TACC2: variants seen among roughly 807,000 people sequenced by gnomAD.
TACC2 encodes the protein transforming acidic coiled-coil containing protein 2, also known as transforming acidic coiled-coil-containing protein 2.
Under a neutral mutation model 227.3 loss-of-function variants are expected in TACC2, and 137 were observed. The observed-to-expected ratio is 0.60, with a 90% confidence interval of 0.52 to 0.69. TACC2 has a LOEUF of 0.69. TACC2 is among the 30% of genes least tolerant of loss of function. The pLI, the probability that TACC2 is intolerant of heterozygous loss-of-function variation, is 0.00. For synonymous variants in TACC2, 1,523 were observed against 1,487.5 expected, an observed-to-expected ratio of 1.02 and a Z score of -0.55; for missense variants, 3,470 against 3,694.4, an observed-to-expected ratio of 0.94 and a Z score of 1.57.
rs578136211 is a variant in TACC2, at chr10:122,086,438, G to C, written c.3938G>C (p.Ser1313Thr). 1.2e-6 allele frequency: 2 copies of C among 1,613,856 alleles called. No individual in the cohort carries two copies. Among genetic ancestry groups the C allele is most frequent in the African/African-American group, 2.7e-5 (2 of 75,074 alleles). ...EIPAVQASSG[S>T]PKARTTEGPV... is the part of the protein sequence containing the mutation. Reference sequence around the variant, plus strand: ...CCTGCAGTGCAAGCCAGCAGTGGTAGTCCCAAAGCCAGAACCACTGAGGGA... The same window carrying C: ...CCTGCAGTGCAAGCCAGCAGTGGTACTCCCAAAGCCAGAACCACTGAGGGA... Residue 1313 changes from serine to threonine, a missense_variant, in exon 4 of 23, where the codon AGT becomes ACT. Physicochemically the swap from Ser to Thr is moderately conservative, Grantham distance 58. Transcript: ENST00000369005.
At chr10:122,152,352 A>G (rs916760481) in intron 7 of TACC2, among the ~76,000 whole-genome samples, 8 of 152,244 alleles carry the variant, frequency 5.3e-5, no homozygotes, top group Non-Finnish European at 1.2e-4. Context: ...CAACAACAAC[A>G]AAAAGAAATA....
chr10:122,187,652 A>C (rs2094253661), intron 7 of TACC2, among the ~76,000 whole-genome samples: 1 of 151,948 alleles, frequency 6.6e-6, no homozygotes, highest in East Asian at 1.9e-4. Flanking sequence ...CACCACGCCC[A>C]GCTAATTTTT....
chr10:122,017,067 G>A (rs1239206059), intron 1 of TACC2, among the ~76,000 whole-genome samples: 2 of 125,728 alleles, frequency 1.6e-5, no homozygotes, highest in Non-Finnish European at 3.4e-5. Context: ...CAGCCTCCAG[G>A]AAGATGAGAC....
chr10:122,078,694 C>T (rs1318622561), intron 3 of TACC2, among the ~76,000 whole-genome samples: 1 of 152,262 alleles, frequency 6.6e-6, no homozygotes, highest in Non-Finnish European at 1.5e-5. Context: ...TAAGCTTCAA[C>T]TAATGCACAG....
rs188706299 is a variant in TACC2 at position 122,222,538 on chromosome 10, G to A, written c.7547-2188G>A. 9.8e-5 allele frequency among the ~76,000 whole-genome samples: 15 copies of A among 152,296 alleles called. No individual in the cohort carries two copies. In the East Asian group the frequency reaches 1.9e-3, roughly 20 times the overall value. On this transcript the variant is annotated intron_variant, in intron 11 of 22. Transcript: ENST00000369005. ...TGTCAGAGTACCCCACTTTTGCACC[G>A]TCAGTTGCTCCTTCTGAAGGGAGGA...
chr10:122,225,210 GTCTT>G (rs1336783062), intron 12 of TACC2, among the ~76,000 whole-genome samples: 1 of 152,234 alleles, frequency 6.6e-6, no homozygotes, highest in Non-Finnish European at 1.5e-5. Context: ...GATGGGCACT[GTCTT>G]TCCTGGCATA....
intron 1 of TACC2, among the ~76,000 whole-genome samples, chr10:122,008,085 C>T (rs4453166): frequency 0.48 from 73,482 of 151,694 alleles, 18,174 homozygotes; most frequent in South Asian, 0.74. Context: ...TTCTTTGTAT[C>T]ACAAATTACC....
chr10:122,100,681 C>T lies in TACC2; in HGVS notation c.5573+12090C>T, dbSNP rs192174079. Among the ~76,000 whole-genome samples, 710 of 152,300 alleles carry T rather than the reference C, an allele frequency of 4.7e-3. 7 individuals are homozygous for T. Among genetic ancestry groups the T allele is most frequent in the African/African-American group, 0.016 (683 of 41,564 alleles). ...CCTCAAGTGATCTGCCCGCCTCAGC[C>T]TCCCAAAGTGCTGGGATTACAGGCA... On this transcript the variant is annotated intron_variant, in intron 5 of 22. Transcript: ENST00000369005.
chr10:122,248,852 G>C (rs1401599632), intron 20 of TACC2, 49 bp downstream of exon 20: 1 of 1,607,688 alleles, frequency 6.2e-7, no homozygotes. Context: ...GATTGGGAGA[G>C]ATTGTGGGAG....
chr10:122,133,808 G>A (rs1022809961), intron 6 of TACC2, among the ~76,000 whole-genome samples: 7 of 152,212 alleles, frequency 4.6e-5, no homozygotes, highest in South Asian at 2.1e-4. Flanking sequence ...ATCTAATTCC[G>A]TCTCCTTCAC....
chr10:122,134,030 G>A (rs1357965243), intron 6 of TACC2, among the ~76,000 whole-genome samples: 3 of 152,192 alleles, frequency 2.0e-5, no homozygotes, highest in African/African-American at 7.2e-5. Context: ...AAAACTAGGA[G>A]GAGGTACCTG....
At chr10:122,045,539 CAG>C (rs1373035098) in intron 2 of TACC2, among the ~76,000 whole-genome samples, 1 of 152,222 alleles carries the variant, frequency 6.6e-6, no homozygotes, top group Non-Finnish European at 1.5e-5. Context: ...ACTAGACACA[CAG>C]AAAGTGTTCC....
At chr10:122,006,242 A>G (rs561688980) in intron 1 of TACC2, among the ~76,000 whole-genome samples, 94 of 151,978 alleles carry the variant, frequency 6.2e-4, no homozygotes, top group African/African-American at 2.1e-3. Flanking sequence ...AGGTCAGGAG[A>G]TCGAGACCAT....
At chr10:122,249,000 G>A in intron 20 of TACC2, 50 bp from the exon 21 acceptor site, 1 of 1,561,458 alleles carries the variant, frequency 6.4e-7, no homozygotes, top group Non-Finnish European at 8.8e-7. Context: ...ACCAGTGCTG[G>A]GCATTTGTTC....
Position 122,086,215 on chromosome 10 carries a change from C to A in TACC2, c.3715C>A (p.His1239Asn), listed in dbSNP as rs1453643537. ...GGCTGCTCCTGACACCCCTTACCTG[C>A]ATGTCGACAGTGCTGCCCAGAGAGG... Reference protein sequence around the residue: ...EVAAPDTPYLHVDSAAQRGAE... With the variant: ...EVAAPDTPYLNVDSAAQRGAE... The change falls in exon 4 of 23, where the codon CAT (histidine) becomes AAT (asparagine). Residue 1239 changes from histidine (H) to asparagine (N), a missense_variant. By Grantham distance (68) the His-to-Asn change is moderately conservative (BLOSUM62 1). This residue lies in a region of TACC2 where 1,924 missense variants were observed against 1,978.3 expected (regional missense o/e 0.97). Transcript: ENST00000369005. The A allele has an allele frequency of 1.9e-6, 3 of 1,613,860 alleles. No individual in the cohort carries two copies. The highest frequency in any genetic ancestry group is 2.2e-5 in the East Asian group (1 of 44,878).
At chr10:122,120,752 A>G (rs1256503745) in intron 5 of TACC2, among the ~76,000 whole-genome samples, 2 of 150,718 alleles carry the variant, frequency 1.3e-5, no homozygotes, top group African/African-American at 4.9e-5. Context: ...ACCTGTATTC[A>G]TTCTTTCTTT....
chr10:122,144,975 G>A (rs1301152705), intron 7 of TACC2, among the ~76,000 whole-genome samples: 3 of 152,200 alleles, frequency 2.0e-5, no homozygotes, highest in Admixed American at 2.0e-4. Flanking sequence ...CTGCTGGTGA[G>A]ATAGCACAAG....
At chr10:122,186,229 A>G (rs373959589) in intron 7 of TACC2, among the ~76,000 whole-genome samples, 3 of 152,230 alleles carry the variant, frequency 2.0e-5, no homozygotes, top group African/African-American at 4.8e-5. Flanking sequence ...ACGCCTGGCC[A>G]AGTAACTCAG....
intron 5 of TACC2, among the ~76,000 whole-genome samples, chr10:122,113,633 C>A (rs2084061357): frequency 6.6e-6 from 1 of 152,236 alleles, no homozygotes; most frequent in Admixed American, 6.5e-5. Context: ...GCCTTCCCAC[C>A]GGGCTCTTTC....
Sources: allele counts gnomAD v4.1 joint callset (sites outside exome capture counted in the v4.1 genomes callset), GRCh38; gene constraint gnomAD v4.1.1; regional missense constraint gnomAD v4.1.1; transcripts MANE v1.5; gene names NCBI Gene and HGNC (gene_info 2026-07-23, HGNC 2026-07-21).